PDSS1: variants seen among roughly 807,000 people sequenced by gnomAD.
PDSS1 encodes decaprenyl diphosphate synthase subunit 1, also known as all trans-polyprenyl-diphosphate synthase PDSS1.
PDSS1 carries 43 observed loss-of-function variants against 57.5 expected under a neutral mutation model. The observed-to-expected ratio is 0.75, with a 90% confidence interval of 0.59 to 0.96. The LOEUF (loss-of-function observed/expected upper bound fraction) is 0.96, where lower values mean the gene tolerates loss of function less well. PDSS1 is among the 50% of genes least tolerant of loss of function. The probability of loss-of-function intolerance (pLI) is 0.00; values close to 1 mark genes in which losing one functional copy is unlikely to be tolerated. For synonymous variants in PDSS1, 175 were observed against 191.3 expected (o/e 0.91, Z 0.70); for missense variants, 438 against 527.8 (o/e 0.83, Z 1.67).
chr10:26,718,550 C>T (rs1211595456), intron 5 of PDSS1, among the ~76,000 whole-genome samples: 2 of 152,040 alleles, frequency 1.3e-5, no homozygotes, highest in Admixed American at 6.6e-5. Context: ...CACCTGAAGT[C>T]AGGAATTCAA....
At position 26,724,083 on chromosome 10, in the gene PDSS1, TCAAGAAGACCGCCAG is replaced by T; in HGVS notation, c.793_807del (p.Lys265_Ser269del). The T allele has an allele frequency of 6.2e-7, 1 of 1,613,942 alleles. No individual in the cohort carries two copies. Among genetic ancestry groups the T allele is most frequent in the Non-Finnish European group, 8.5e-7 (1 of 1,179,810 alleles). ...TTTGCACACTACCTTGAGAAGACAT[TCAAGAAGACCGCCAG>T]CCTGATAGCCAACAGTTGTAAAGCA... On this transcript the variant is annotated inframe_deletion, in exon 8 of 12. Transcript: ENST00000376215.
chr10:26,699,643 C>G (rs1053186559), intron 1 of PDSS1, among the ~76,000 whole-genome samples: 8 of 152,148 alleles, frequency 5.3e-5, no homozygotes, highest in African/African-American at 1.7e-4. Context: ...GATCCACCCC[C>G]TCCTCGGCCT....
intron 8 of PDSS1, among the ~76,000 whole-genome samples, chr10:26,726,430 G>A (rs182613264): frequency 3.9e-5 from 6 of 152,290 alleles, no homozygotes; most frequent in African/African-American, 9.6e-5. Context: ...GTGCCTATGG[G>A]TGGAAATATT....
intron 2 of PDSS1, among the ~76,000 whole-genome samples, chr10:26,704,019 C>T (rs1405890291): frequency 3.6e-5 from 5 of 138,826 alleles, no homozygotes; most frequent in Admixed American, 8.2e-5. Context: ...GGGGCGGAGC[C>T]TGCAGTGAGC....
intron 1 of PDSS1, among the ~76,000 whole-genome samples, chr10:26,698,165 A>G (rs969644905): frequency 9.3e-6 from 1 of 107,018 alleles, no homozygotes. Context: ...GACCGCTGCT[A>G]TATGGACAAG....
intron 10 of PDSS1, among the ~76,000 whole-genome samples, chr10:26,737,722 CAAAAAAAA>C (rs200552153): frequency 5.4e-5 from 4 of 73,558 alleles, no homozygotes; most frequent in African/African-American, 1.0e-4. Flanking sequence ...GACTCCGTCT[CAAAAAAAA>C]AAAAAAAAAA....
chr10:26,735,134 A>G (rs1836347618), intron 8 of PDSS1, 106 bp from the exon 9 acceptor site: 1 of 802,336 alleles, frequency 1.2e-6, no homozygotes, highest in South Asian at 1.3e-5. Context: ...GAGTGTGTAT[A>G]ATCTAGCCCC....
intron 4 of PDSS1, among the ~76,000 whole-genome samples, chr10:26,709,210 G>A (rs1835339982): frequency 6.6e-6 from 1 of 152,184 alleles, no homozygotes; most frequent in South Asian, 2.1e-4. Flanking sequence ...CCTTGCCCAC[G>A]GAGTGTTGAA....
chr10:26,718,200 G>A (rs1173021990), intron 5 of PDSS1: 1 of 151,890 alleles, frequency 6.6e-6, no homozygotes, highest in Non-Finnish European at 1.5e-5. Flanking sequence ...ACACCACCAT[G>A]CCCGACTAAT....
intron 8 of PDSS1, among the ~76,000 whole-genome samples, chr10:26,730,331 T>TG (rs1836138156): frequency 6.6e-6 from 1 of 152,066 alleles, no homozygotes. Flanking sequence ...ACAACGTGGC[T>TG]GGGCACAGTG....
chr10:26,699,479 C>A (rs1287390091), intron 1 of PDSS1, among the ~76,000 whole-genome samples: 1 of 151,508 alleles, frequency 6.6e-6, no homozygotes, highest in African/African-American at 2.4e-5. Context: ...ACTGCAAACT[C>A]CACCTCCCAG....
At chr10:26,723,718 G>C in intron 6 of PDSS1, 88 bp from the exon 7 acceptor site, 1 of 896,808 alleles carries the variant, frequency 1.1e-6, no homozygotes, top group Non-Finnish European at 1.9e-6. Flanking sequence ...CCACTTCCAC[G>C]AAGCTCCCTT....
At chr10:26,734,969 C>A (rs999147175) in intron 8 of PDSS1, among the ~76,000 whole-genome samples, 1 of 152,174 alleles carries the variant, frequency 6.6e-6, no homozygotes, top group Non-Finnish European at 1.5e-5. Context: ...CTCAGTTTTT[C>A]CTAAGCAGTG....
chr10:26,739,264 C>T (rs1241850759), intron 10 of PDSS1, among the ~76,000 whole-genome samples: 2 of 152,168 alleles, frequency 1.3e-5, no homozygotes, highest in Non-Finnish European at 2.9e-5. Flanking sequence ...CACAGAGTTA[C>T]AACCCGATTT....
At chr10:26,708,770 T>C (rs1835325718) in intron 4 of PDSS1, among the ~76,000 whole-genome samples, 1 of 152,088 alleles carries the variant, frequency 6.6e-6, no homozygotes, top group African/African-American at 2.4e-5. Context: ...CAGTGAGTTA[T>C]GATCGTGCCA....
chr10:26,741,496 G>C (rs768550560), intron 10 of PDSS1, among the ~76,000 whole-genome samples: 2 of 149,506 alleles, frequency 1.3e-5, no homozygotes, highest in African/African-American at 5.0e-5. Context: ...AGGAGGGGGG[G>C]AAAAACAACA....
chr10:26,715,319 G>T (rs1041327041), intron 5 of PDSS1: 1 of 152,202 alleles, frequency 6.6e-6, no homozygotes, highest in Non-Finnish European at 1.5e-5. Context: ...GGGCTGCAGG[G>T]CTTGTGACCG....
intron 10 of PDSS1, among the ~76,000 whole-genome samples, chr10:26,736,270 G>A (rs1349609143): frequency 6.6e-6 from 1 of 152,222 alleles, no homozygotes; most frequent in African/African-American, 2.4e-5. Flanking sequence ...ATGGCTTGTG[G>A]CTGTACTGAA....
intron 8 of PDSS1, among the ~76,000 whole-genome samples, chr10:26,730,470 G>A (rs79267722): frequency 2.6e-5 from 4 of 151,922 alleles, no homozygotes; most frequent in South Asian, 4.2e-4. Flanking sequence ...TTAGCTGGGT[G>A]TGGTAGTGCA....
Sources: allele counts gnomAD v4.1 joint callset (sites outside exome capture counted in the v4.1 genomes callset), GRCh38; gene constraint gnomAD v4.1.1; transcripts MANE v1.5; gene names NCBI Gene and HGNC (gene_info 2026-07-23, HGNC 2026-07-21).